The following TIAM1 variants were observed in gnomAD, a reference collection of about 807,000 sequenced individuals.
TIAM1 encodes TIAM Rac1 associated GEF 1, also known as rho guanine nucleotide exchange factor TIAM1.
Under a neutral mutation model 163.5 loss-of-function variants are expected in TIAM1, and 65 were observed. That is an observed-to-expected ratio of 0.40 (90% CI 0.33 to 0.49). The LOEUF (loss-of-function observed/expected upper bound fraction) is 0.49. TIAM1 is among the 20% of genes least tolerant of loss of function. TIAM1 has a pLI of 0.77. For missense variants in TIAM1, 1,789 were observed against 2,044.7 expected (o/e 0.87, Z 2.41); for synonymous variants, 833 against 810.1 (o/e 1.03, Z -0.48).
At chr21:31,215,989 C>T (rs2087184964) in intron 9 of TIAM1, among the ~76,000 whole-genome samples, 2 of 152,196 alleles carry the variant, frequency 1.3e-5, no homozygotes, top group Middle Eastern at 3.4e-3. Flanking sequence ...GGTGAAACCC[C>T]ATCTCTACTA....
chr21:31,496,611 GA>G (rs34798663), intron 1 of TIAM1, among the ~76,000 whole-genome samples: 20,371 of 151,498 alleles, frequency 0.13, 1,571 homozygotes, highest in Non-Finnish European at 0.17. Flanking sequence ...TATTATTAAA[GA>G]AAAAAAAATT....
chr21:31,179,320 GA>G (rs1407443429), intron 15 of TIAM1, among the ~76,000 whole-genome samples: 4 of 151,740 alleles, frequency 2.6e-5, no homozygotes, highest in Non-Finnish European at 5.9e-5. Flanking sequence ...CCAGGAGGCG[GA>G]GGTTGCAGTG....
At chr21:31,490,878 G>C (rs1258083536) in intron 1 of TIAM1, among the ~76,000 whole-genome samples, 1 of 152,188 alleles carries the variant, frequency 6.6e-6, no homozygotes, top group African/African-American at 2.4e-5. Flanking sequence ...TGTAATCCCA[G>C]CACTTTGGGA....
chr21:31,304,705 G>A (rs536054326), intron 2 of TIAM1, among the ~76,000 whole-genome samples: 3 of 152,220 alleles, frequency 2.0e-5, no homozygotes, highest in East Asian at 1.9e-4. Context: ...TTTTGAGACC[G>A]AGTCTCACTC....
Position 31,287,054 on chromosome 21 carries a change from T to C in TIAM1, c.-188-10146A>G, listed in dbSNP as rs138491103. The stretch of plus-strand genomic sequence containing the variant: ...TGTAAAAACATAATTCTTTATTTCA[T>C]TGATTTTAAGAAACACTATTTTTGA... On this transcript the variant is annotated intron_variant, in intron 2 of 27. Coordinates refer to ENST00000541036, the MANE Select transcript of TIAM1 (RefSeq NM_001353694.2). 3.5e-3 allele frequency among the ~76,000 whole-genome samples: 528 copies of C among 152,368 alleles called. 4 individuals carry two copies. The highest frequency in any genetic ancestry group is 0.012 in the African/African-American group (490 of 41,590).
At chr21:31,516,128 G>C (rs1242196706) in intron 1 of TIAM1, among the ~76,000 whole-genome samples, 1 of 136,854 alleles carries the variant, frequency 7.3e-6, no homozygotes, top group Non-Finnish European at 1.5e-5. Flanking sequence ...AAAAAAAATA[G>C]GGGCTGGGCA....
intron 1 of TIAM1, among the ~76,000 whole-genome samples, chr21:31,558,220 G>A (rs991827701): frequency 4.6e-5 from 7 of 152,168 alleles, no homozygotes; most frequent in African/African-American, 1.7e-4. Flanking sequence ...GAGAGGGCGA[G>A]GCGGGGACGG....
intron 1 of TIAM1, among the ~76,000 whole-genome samples, chr21:31,506,078 A>G (rs1177817022): frequency 6.6e-6 from 1 of 150,430 alleles, no homozygotes; most frequent in East Asian, 1.9e-4. Flanking sequence ...AAGGTCCCAC[A>G]GCTTGCTGGA....
chr21:31,274,358 C>T (rs1373858668), intron 3 of TIAM1, among the ~76,000 whole-genome samples: 2 of 152,084 alleles, frequency 1.3e-5, no homozygotes, highest in African/African-American at 4.8e-5. Flanking sequence ...AGAAAGCCAC[C>T]CTGTGTTCAA....
At chr21:31,298,611 C>T (rs2074377597) in intron 2 of TIAM1, among the ~76,000 whole-genome samples, 1 of 152,066 alleles carries the variant, frequency 6.6e-6, no homozygotes, top group African/African-American at 2.4e-5. Flanking sequence ...TAAAACTTTC[C>T]ATCAACCATA....
At chr21:31,327,134 G>A (rs1466022438) in intron 2 of TIAM1, among the ~76,000 whole-genome samples, 2 of 152,166 alleles carry the variant, frequency 1.3e-5, no homozygotes, top group Non-Finnish European at 2.9e-5. Context: ...TGGAAAAGAC[G>A]GTCGAATCTG....
intron 9 of TIAM1, among the ~76,000 whole-genome samples, chr21:31,214,316 C>T (rs774374742): frequency 5.9e-5 from 9 of 151,460 alleles, no homozygotes; most frequent in Non-Finnish European, 1.2e-4. Flanking sequence ...CAGACTGAGA[C>T]CTTGTCTCAA....
chr21:31,130,310 T>A lies in TIAM1; in HGVS notation c.3948A>T (p.Gly1316=). ...CCTCATAAATGGAAAGCCTGTGAGA[T>A]CCTACCTGCAGAGGAGAAGGAACCA... ...DGSKQKKKLV[G]SHRLSIYEDW... The change falls in exon 25 of 28, where the codon GGA becomes GGT. Residue 1316 remains glycine (G), a synonymous_variant. Transcript: ENST00000541036. The A allele has an allele frequency of 1.2e-6, 2 of 1,613,648 alleles. No homozygotes were observed. The highest frequency in any genetic ancestry group is 2.2e-5 in the East Asian group (1 of 44,856).
intron 2 of TIAM1, among the ~76,000 whole-genome samples, chr21:31,299,482 C>A (rs757661775): frequency 1.2e-4 from 19 of 152,202 alleles, no homozygotes; most frequent in Admixed American, 2.0e-4. Flanking sequence ...AGTTTGTCAG[C>A]TTATTTTGTT....
intron 16 of TIAM1, among the ~76,000 whole-genome samples, chr21:31,160,052 G>C (rs1027324619): frequency 1.3e-5 from 2 of 152,166 alleles, no homozygotes; most frequent in South Asian, 4.1e-4. Context: ...CGGACAGCCC[G>C]TTCTGAGGGG....
intron 1 of TIAM1, among the ~76,000 whole-genome samples, chr21:31,495,092 G>T (rs2046596572): frequency 6.6e-6 from 1 of 152,168 alleles, no homozygotes; most frequent in African/African-American, 2.4e-5. Flanking sequence ...GAGGATAAAT[G>T]TGTTAGGCGT....
At chr21:31,154,536 T>C in intron 16 of TIAM1, 110 bp from the exon 17 acceptor site, 7 of 1,129,618 alleles carry the variant, frequency 6.2e-6, no homozygotes, top group Non-Finnish European at 7.5e-6. Flanking sequence ...CTGTCACATA[T>C]GAATGTCGTC....
intron 13 of TIAM1, among the ~76,000 whole-genome samples, chr21:31,190,955 T>C (rs1182974917): frequency 1.3e-5 from 2 of 152,198 alleles, no homozygotes; most frequent in Non-Finnish European, 2.9e-5. Context: ...AGAAGCCACT[T>C]AGCTAGGTGT....
chr21:31,521,083 G>C (rs906980417), intron 1 of TIAM1, among the ~76,000 whole-genome samples: 2 of 152,166 alleles, frequency 1.3e-5, no homozygotes, highest in African/African-American at 4.8e-5. Context: ...GGCACTCAAA[G>C]CTTTATGCTT....
Sources: gnomAD v4.1 joint callset for allele counts (sites outside exome capture counted in the v4.1 genomes callset) on GRCh38, gnomAD v4.1.1 for gene constraint, MANE v1.5 for transcripts, NCBI Gene and HGNC (gene_info 2026-07-23, HGNC 2026-07-21) for gene names.